The following MXD4 variants were observed in gnomAD, a reference collection of about 807,000 sequenced individuals.
The protein encoded by MXD4 is Mad4 homolog.
Under a neutral mutation model 24.5 loss-of-function variants are expected in MXD4, and 16 were observed. That is an observed-to-expected ratio of 0.65 (90% CI 0.44 to 0.99). The LOEUF (loss-of-function observed/expected upper bound fraction) is 0.99, where lower values mean the gene tolerates loss of function less well. Ranked by LOEUF, MXD4 falls within the 50% of genes least tolerant of loss-of-function variation. The pLI, the probability that MXD4 is intolerant of heterozygous loss-of-function variation, is 0.00. For synonymous variants in MXD4, 164 were observed against 134.2 expected (o/e 1.22, Z -1.54); for missense variants, 301 against 301.5 (o/e 1.00, Z 0.01).
At position 2,249,015 on chromosome 4, in the gene MXD4, T is replaced by C. The variant is rs3811803; in HGVS notation, c.*1529A>G. 0.29 allele frequency: 44,133 copies of C among 152,194 alleles called. 8,966 individuals are homozygous for C. The highest frequency in any genetic ancestry group is 0.56 in the African/African-American group (23,327 of 41,492). The allele number at this position is 152,194 out of a possible 1,614,324, so 9.4% of individuals were successfully genotyped here. A position where few individuals can be genotyped will look rare whatever the true frequency, so the allele number is the denominator to read the frequency against. On this transcript the variant is annotated 3_prime_UTR_variant, in exon 6 of 6. Coordinates refer to ENST00000337190, the MANE Select transcript of MXD4 (RefSeq NM_006454.3). ...CAGGGGGCTCGAGTCAGGTGACAGG[T>C]GAGAATCCATCTCTCTAGTGAGCAA...
rs556298226 is a variant in MXD4 at position 2,255,985 on chromosome 4, G to A, written c.194+1997C>T. Reference sequence around the variant, plus strand: ...AGATGTTGCCAACAGAACTTCCCGAGGTATGTGAAAGCCGTGTGAGGCTGC... The same window carrying A: ...AGATGTTGCCAACAGAACTTCCCGAAGTATGTGAAAGCCGTGTGAGGCTGC... On this transcript the variant is annotated intron_variant, in intron 3 of 5. Coordinates refer to ENST00000337190, the MANE Select transcript of MXD4 (RefSeq NM_006454.3). Among the ~76,000 whole-genome samples, 6 of 152,322 alleles carry A rather than the reference G, an allele frequency of 3.9e-5. No homozygotes were observed. In the South Asian group the frequency reaches 8.3e-4, roughly 21 times the overall value.
chr4:2,255,478 G>A (rs1274769484), intron 3 of MXD4: 2 of 443,812 alleles, frequency 4.5e-6, no homozygotes, highest in Admixed American at 4.9e-5. Flanking sequence ...CTGCCCTGGA[G>A]AGCAGCAGTG....
At chr4:2,261,099 T>TC (rs1735532597) in intron 2 of MXD4, among the ~76,000 whole-genome samples, 1 of 152,136 alleles carries the variant, frequency 6.6e-6, no homozygotes, top group Non-Finnish European at 1.5e-5. Flanking sequence ...GCCTCTGTCT[T>TC]AAAAAAGAGG....
In MXD4 at chr4:2,251,077, G is replaced by A. The variant is rs759579624; in HGVS notation, c.472+7C>T. ...CAGGTGAGGCTGCCCCGCGCCCCACGCCCCACCTTGCTCTGAGTCGTCCGT... is the reference window on the plus strand; with the variant it reads ...CAGGTGAGGCTGCCCCGCGCCCCACACCCCACCTTGCTCTGAGTCGTCCGT... On this transcript the variant is annotated splice_region_variant and intron_variant, in intron 5 of 5. Coordinates refer to ENST00000337190, the MANE Select transcript of MXD4 (RefSeq NM_006454.3). 9 of 1,557,220 alleles carry A rather than the reference G, an allele frequency of 5.8e-6. No homozygotes were observed. The highest frequency in any genetic ancestry group is 5.4e-5 in the African/African-American group (4 of 73,518).
chr4:2,261,703 G>T, intron 2 of MXD4, 22 bp downstream of exon 2: 3 of 1,322,172 alleles, frequency 2.3e-6, no homozygotes, highest in Non-Finnish European at 2.0e-6. Context: ...GGCCGGGCGG[G>T]GTCGGGAGCG....
At chr4:2,253,588 C>A (rs1160799714) in intron 3 of MXD4, 1 of 152,220 alleles carries the variant, frequency 6.6e-6, no homozygotes. Context: ...CTGATGCCTA[C>A]ACACGTGACT....
intron 3 of MXD4, among the ~76,000 whole-genome samples, chr4:2,255,763 G>A (rs1352323880): frequency 2.6e-5 from 4 of 152,178 alleles, no homozygotes; most frequent in African/African-American, 4.8e-5. Flanking sequence ...GGCTGGTATC[G>A]ACAGCAGCCC....
intron 2 of MXD4, among the ~76,000 whole-genome samples, chr4:2,261,162 G>A (rs1037419337): frequency 6.6e-6 from 1 of 152,230 alleles, no homozygotes; most frequent in East Asian, 1.9e-4. Context: ...GGGCAGAAGC[G>A]GTGGGCACCC....
At chr4:2,255,146 A>AGGACTTAC in intron 3 of MXD4, 1 of 379,778 alleles carries the variant, frequency 2.6e-6, no homozygotes, top group South Asian at 1.9e-5. Flanking sequence ...GCAGGCGGAC[A>AGGACTTAC]GGACTTACGT....
chr4:2,258,125 G>A (rs1394028764), intron 2 of MXD4, 114 bp from the exon 3 acceptor site: 1 of 1,337,992 alleles, frequency 7.5e-7, no homozygotes, highest in East Asian at 2.4e-5. Flanking sequence ...CTGTGTCTGG[G>A]TCCTGGAATG....
chr4:2,257,925 T>G, intron 3 of MXD4, 57 bp downstream of exon 3: 1 of 1,608,616 alleles, frequency 6.2e-7, no homozygotes, highest in South Asian at 1.1e-5. Context: ...CCACACACCC[T>G]CAGTAAAAGG....
chr4:2,252,537 G>C lies in MXD4; in HGVS notation c.195-15C>G. On this transcript the variant is annotated splice_polypyrimidine_tract_variant and intron_variant, in intron 3 of 5. Transcript: ENST00000337190. Reference sequence around the variant, plus strand: ...GTTTGGCTCGTCTGAAAGAGCCAGAGACAGAACCATCAGGCTGGGGTGGGG... The same window carrying C: ...GTTTGGCTCGTCTGAAAGAGCCAGACACAGAACCATCAGGCTGGGGTGGGG... The C allele has an allele frequency of 6.3e-7, 1 of 1,592,068 alleles. No individual in the cohort carries two copies. The highest frequency in any genetic ancestry group is 2.2e-5 in the East Asian group (1 of 44,708).
intron 4 of MXD4, among the ~76,000 whole-genome samples, chr4:2,251,930 G>C (rs866051740): frequency 2.6e-5 from 4 of 152,146 alleles, no homozygotes; most frequent in Admixed American, 6.5e-5. Flanking sequence ...CGGTCCCAGG[G>C]AATGTCTCCC....
chr4:2,261,992 C>A lies in MXD4; in HGVS notation c.-12G>T. The A allele has an allele frequency of 7.7e-7, 1 of 1,296,690 alleles. No homozygotes were observed. The allele number at this position is 1,296,690 out of a possible 1,614,324, so 80.3% of individuals were successfully genotyped here. A position where few individuals can be genotyped will look rare whatever the true frequency, so the allele number is the denominator to read the frequency against. ...GAGTTCAGCTCCATCCTCCCGCCCG[C>A]GCCCGTCCGCCCCGGGACGGCGGCG... On this transcript the variant is annotated 5_prime_UTR_variant, in exon 1 of 6. Coordinates refer to ENST00000337190, the MANE Select transcript of MXD4 (RefSeq NM_006454.3).
chr4:2,261,065 C>T (rs1214855509), intron 2 of MXD4, among the ~76,000 whole-genome samples: 1 of 152,230 alleles, frequency 6.6e-6, no homozygotes, highest in Non-Finnish European at 1.5e-5. Context: ...TGCAGCCTGC[C>T]CCCTCCTCCC....
At chr4:2,259,382 G>A (rs932047994) in intron 2 of MXD4, among the ~76,000 whole-genome samples, 3 of 152,058 alleles carry the variant, frequency 2.0e-5, no homozygotes, top group Non-Finnish European at 2.9e-5. Flanking sequence ...AGCCAGGGCC[G>A]ACCAGGGCCA....
At chr4:2,259,530 C>T (rs768511519) in intron 2 of MXD4, among the ~76,000 whole-genome samples, 6 of 152,238 alleles carry the variant, frequency 3.9e-5, no homozygotes, top group East Asian at 1.9e-4. Flanking sequence ...AGCCTGGCCA[C>T]GTGGGTCTGT....
chr4:2,259,694 G>GA (rs1363540367), intron 2 of MXD4, among the ~76,000 whole-genome samples: 1 of 152,170 alleles, frequency 6.6e-6, no homozygotes, highest in African/African-American at 2.4e-5. Context: ...CCTGGGCCCA[G>GA]AGACCCTTGG....
intron 2 of MXD4, 119 bp downstream of exon 2, chr4:2,261,606 G>T: frequency 2.4e-6 from 1 of 410,646 alleles, no homozygotes. Context: ...GCTGGCCGCC[G>T]GGGCGCGCGG....
Sources: allele counts gnomAD v4.1 joint callset (sites outside exome capture counted in the v4.1 genomes callset), GRCh38; gene constraint gnomAD v4.1.1; transcripts MANE v1.5; gene names NCBI Gene and HGNC (gene_info 2026-07-23, HGNC 2026-07-21).